PIK3C2B: variants seen among roughly 807,000 people sequenced by gnomAD.
PIK3C2B encodes phosphatidylinositol-4-phosphate 3-kinase catalytic subunit type 2 beta.
In PIK3C2B, 83 loss-of-function variants were observed where a neutral mutation model predicts 184.3. That is an observed-to-expected ratio of 0.45 (90% CI 0.38 to 0.54). The LOEUF (loss-of-function observed/expected upper bound fraction) is 0.54, where lower values mean the gene tolerates loss of function less well. Ranked by LOEUF, PIK3C2B falls within the 20% of genes least tolerant of loss-of-function variation. PIK3C2B has a pLI of 0.00. For missense variants in PIK3C2B, 1,736 were observed against 2,113.5 expected (o/e 0.82, Z 3.50); for synonymous variants, 779 against 837.6 (o/e 0.93, Z 1.21).
intron 1 of PIK3C2B, among the ~76,000 whole-genome samples, chr1:204,483,434 C>A (rs920358992): frequency 6.6e-6 from 1 of 151,776 alleles, no homozygotes; most frequent in Admixed American, 6.6e-5. Flanking sequence ...CTGGTTAAGC[C>A]TTCCAATATC....
At chr1:204,429,847 G>C in intron 29 of PIK3C2B, 74 bp downstream of exon 29, 1 of 949,796 alleles carries the variant, frequency 1.1e-6, no homozygotes, top group South Asian at 1.3e-5. Flanking sequence ...TAGTGCCTCC[G>C]GATGCTTCCA....
At chr1:204,459,275 C>A (rs1655127015) in intron 8 of PIK3C2B, among the ~76,000 whole-genome samples, 2 of 152,208 alleles carry the variant, frequency 1.3e-5, no homozygotes, top group South Asian at 4.1e-4. Context: ...CCTCAGTTTC[C>A]CAAAGGGTTA....
intron 16 of PIK3C2B, among the ~76,000 whole-genome samples, chr1:204,445,009 A>G (rs866414202): frequency 6.6e-6 from 1 of 152,200 alleles, no homozygotes; most frequent in South Asian, 2.1e-4. Flanking sequence ...CCATCTAGAA[A>G]AGGCAGCCCT....
chr1:204,428,032 A>C (rs988765270), intron 30 of PIK3C2B, 107 bp downstream of exon 30: 2 of 693,664 alleles, frequency 2.9e-6, no homozygotes, highest in East Asian at 2.6e-5. Flanking sequence ...GAAAAGGAAC[A>C]GGAGGCAAGT....
intron 5 of PIK3C2B, among the ~76,000 whole-genome samples, chr1:204,460,921 C>T (rs1045324017): frequency 3.3e-5 from 5 of 152,142 alleles, no homozygotes; most frequent in Non-Finnish European, 5.9e-5. Context: ...ATTTATTACC[C>T]GTGTGGTAAT....
At position 204,424,219 on chromosome 1, in the gene PIK3C2B, C is replaced by A. The variant is rs548750298; in HGVS notation, c.*633G>T. The A allele has an allele frequency of 5.8e-6, 1 of 172,922 alleles. No individual in the cohort carries two copies. The highest frequency in any genetic ancestry group is 2.4e-5 in the African/African-American group (1 of 41,758). The allele number at this position is 172,922 out of a possible 1,614,324, so 10.7% of individuals were successfully genotyped here. A position where few individuals can be genotyped will look rare whatever the true frequency, so the allele number is the denominator to read the frequency against. ...CAGTGGCACAAGCCTCAGTCCAGCA[C>A]AGGCAGCCCTCCCCAACCCTCCCCA... On this transcript the variant is annotated 3_prime_UTR_variant, in exon 33 of 33. Coordinates refer to ENST00000684373, the MANE Select transcript of PIK3C2B (RefSeq NM_001377334.1).
In PIK3C2B at chr1:204,447,368, G is replaced by A. The variant is rs1653964083; in HGVS notation, c.2489+68C>T. On this transcript the variant is annotated intron_variant, in intron 15 of 32. Transcript: ENST00000684373. The surrounding 1 kb of genome is among the most constrained non-coding windows in gnomAD (Gnocchi z 4.1). ...CTTCCCACCTCCACTCCCAAAGCAG[G>A]AGGACGGAGACTCAGTGCTGGGAGG... 6.7e-7 allele frequency: 1 copy of A among 1,489,420 alleles called. No individual in the cohort carries two copies. The highest frequency in any genetic ancestry group is 9.2e-7 in the Non-Finnish European group (1 of 1,081,888). The allele number at this position is 1,489,420 out of a possible 1,614,324, so 92.3% of individuals were successfully genotyped here.
intron 1 of PIK3C2B, among the ~76,000 whole-genome samples, chr1:204,472,516 C>T (rs1298466082): frequency 2.0e-5 from 3 of 151,676 alleles, no homozygotes; most frequent in African/African-American, 7.3e-5. Flanking sequence ...CGGTGGCTCA[C>T]GCCTATAATC....
In PIK3C2B at chr1:204,440,205, G is replaced by A. The variant is rs114273688; in HGVS notation, c.3366C>T (p.Thr1122=). The A allele has an allele frequency of 2.2e-4, 353 of 1,612,300 alleles. 1 individual carries two copies. Among genetic ancestry groups the A allele is most frequent in the Middle Eastern group, 5.0e-4 (3 of 6,056 alleles). Residue 1122 remains threonine, a synonymous_variant, in exon 22 of 33, where the codon ACC becomes ACT. Coordinates refer to ENST00000684373, the MANE Select transcript of PIK3C2B (RefSeq NM_001377334.1). The stretch of plus-strand genomic sequence containing the variant: ...CTCCCAACTGACCTCTGCCCCGGCC[G>A]GTGGAGAAGCAGCGGAAGATGACCA... ...MRMVIFRCFS[T]GRGRGMVEMI...
rs1656064226 is a variant in PIK3C2B, at chr1:204,469,029, C to A, written c.774G>T (p.Glu258Asp). 3 of 1,614,200 alleles carry A rather than the reference C, an allele frequency of 1.9e-6. No homozygotes were observed. In the South Asian group the frequency reaches 3.3e-5, roughly 18 times the overall value. ...TGCTGAAGTCCAGCGGCCCTCGGCCCTCCTTCCAGCCCCTGGTGGCATCCC... is the reference window on the plus strand; with the variant it reads ...TGCTGAAGTCCAGCGGCCCTCGGCCATCCTTCCAGCCCCTGGTGGCATCCC... ...MLRDATRGWK[E>D]GRGPLDFSKD... Residue 258 changes from glutamate (E) to aspartate (D), a missense_variant, in exon 2 of 33, where the codon GAG (glutamate) becomes GAT (aspartate). Physicochemically the swap from Glu to Asp is conservative, Grantham distance 45. This residue lies in a region of PIK3C2B where 404 missense variants were observed against 418.0 expected (regional missense o/e 0.97). Coordinates refer to ENST00000684373, the MANE Select transcript of PIK3C2B (RefSeq NM_001377334.1).
At position 204,485,327 on chromosome 1, in the gene PIK3C2B, A is replaced by T. The variant is rs530410892; in HGVS notation, c.-85+9029T>A. Among the ~76,000 whole-genome samples, 4 of 152,182 alleles carry T rather than the reference A, an allele frequency of 2.6e-5. No individual in the cohort carries two copies. In the East Asian group the frequency reaches 7.7e-4, roughly 29 times the overall value. On this transcript the variant is annotated intron_variant, in intron 1 of 32. Transcript: ENST00000684373. Reference sequence around the variant, plus strand: ...ACCTCTGATGACTTTAAGTGAAATAACCTATATAAAGCATATATTGGGCAC... The same window carrying T: ...ACCTCTGATGACTTTAAGTGAAATATCCTATATAAAGCATATATTGGGCAC...
At position 204,446,066 on chromosome 1, in the gene PIK3C2B, C is replaced by A. The variant is rs373492600; in HGVS notation, c.2568G>T (p.Val856=). The part of the protein sequence containing the change: ...CHSEVSSLPL[V]LASAPSWEWA... ...ACTCCCAGCTGGGGGCGCTGGCGAG[C>A]ACCAGGGGGAGCGAGCTCACCTCCG... Residue 856 remains valine, a synonymous_variant, in exon 16 of 33, where the codon GTG becomes GTT. Coordinates refer to ENST00000684373, the MANE Select transcript of PIK3C2B (RefSeq NM_001377334.1). The A allele has an allele frequency of 6.2e-7, 1 of 1,600,422 alleles. No homozygotes were observed. Among genetic ancestry groups the A allele is most frequent in the Non-Finnish European group, 8.5e-7 (1 of 1,170,838 alleles).
chr1:204,450,282 C>T (rs1171721892), intron 12 of PIK3C2B, among the ~76,000 whole-genome samples: 3 of 152,186 alleles, frequency 2.0e-5, no homozygotes, highest in Non-Finnish European at 1.5e-5. Flanking sequence ...TTTGAAGCTA[C>T]CCGTGGTGCC....
intron 1 of PIK3C2B, among the ~76,000 whole-genome samples, chr1:204,486,872 A>G (rs956504650): frequency 6.6e-6 from 1 of 151,978 alleles, no homozygotes; most frequent in Admixed American, 6.6e-5. Context: ...CAGTGGCACA[A>G]TCTCCGCTCA....
intron 8 of PIK3C2B, 96 bp from the exon 9 acceptor site, chr1:204,457,970 AAGAGT>A: frequency 9.4e-7 from 1 of 1,062,308 alleles, no homozygotes. Context: ...AAGGGTTGGG[AAGAGT>A]AGAGAGATTC....
intron 1 of PIK3C2B, chr1:204,489,721 G>C (rs1657883789): frequency 2.6e-6 from 1 of 390,838 alleles, no homozygotes; most frequent in Non-Finnish European, 4.5e-6. Context: ...CAGAAAATGA[G>C]GGCTCTTAGG....
chr1:204,452,295 T>TTTTTG, intron 12 of PIK3C2B, among the ~76,000 whole-genome samples: 1 of 132,966 alleles, frequency 7.5e-6, no homozygotes. Flanking sequence ...ACCCTTTTTT[T>TTTTTG]TTTTTTTTTT....
At chr1:204,493,584 C>T (rs781333406) in intron 1 of PIK3C2B, among the ~76,000 whole-genome samples, 1 of 148,072 alleles carries the variant, frequency 6.8e-6, no homozygotes, top group Non-Finnish European at 1.5e-5. Context: ...GGTGTGTGCA[C>T]TAACCTCATA....
chr1:204,458,421 T>C (rs560304027), intron 8 of PIK3C2B, among the ~76,000 whole-genome samples: 62 of 152,230 alleles, frequency 4.1e-4, no homozygotes, highest in African/African-American at 1.4e-3. Flanking sequence ...ACCATCCTGT[T>C]CTGTCTACTA....
Sources: allele counts gnomAD v4.1 joint callset (sites outside exome capture counted in the v4.1 genomes callset), GRCh38; gene constraint gnomAD v4.1.1; regional missense constraint gnomAD v4.1.1; non-coding constraint Gnocchi (gnomAD v3.1); transcripts MANE v1.5; gene names NCBI Gene and HGNC (gene_info 2026-07-23, HGNC 2026-07-21).